The following GARIN1B variants were observed in gnomAD, a reference collection of about 807,000 sequenced individuals.
GARIN1B encodes the protein golgi associated RAB2 interactor 1B.
chr7:128,729,931 C>T, the GARIN1B span: 7 of 1,614,058 alleles, frequency 4.3e-6, no homozygotes, highest in Non-Finnish European at 5.9e-6. Context: ...AGACAGCATC[C>T]CTTGCACCTG....
chr7:128,726,692 C>T, the GARIN1B span: 5 of 804,144 alleles, frequency 6.2e-6, no homozygotes, highest in South Asian at 9.0e-5. Flanking sequence ...AATATAGCCA[C>T]AGCTGGCCTT....
the GARIN1B span, among the ~76,000 whole-genome samples, chr7:128,727,046 C>T: frequency 1.3e-5 from 2 of 152,304 alleles, no homozygotes; most frequent in African/African-American, 4.8e-5. Context: ...AAGTTGGCAC[C>T]AAGTCCTAAC....
the GARIN1B span, among the ~76,000 whole-genome samples, chr7:128,730,262 G>A: frequency 1.3e-5 from 2 of 152,158 alleles, no homozygotes; most frequent in Non-Finnish European, 2.9e-5. Flanking sequence ...GGCACCTCCA[G>A]GGCCCCCAGA....
chr7:128,714,188 G>C, the GARIN1B span: 3 of 1,498,626 alleles, frequency 2.0e-6, no homozygotes, highest in East Asian at 7.4e-5. Context: ...AAATACAAAA[G>C]TCAGCCTCCA....
the GARIN1B span, among the ~76,000 whole-genome samples, chr7:128,710,452 C>T: frequency 6.6e-6 from 1 of 152,210 alleles, no homozygotes; most frequent in African/African-American, 2.4e-5. Flanking sequence ...AGGACTCAAT[C>T]TGTATGTTGG....
chr7:128,710,782 T>A, the GARIN1B span, among the ~76,000 whole-genome samples: 1 of 151,392 alleles, frequency 6.6e-6, no homozygotes, highest in Non-Finnish European at 1.5e-5. Flanking sequence ...CCTCCCTGAG[T>A]AGTTGGGATT....
At chr7:128,723,374 C>A in the GARIN1B span, 1 of 1,583,158 alleles carries the variant, frequency 6.3e-7, no homozygotes, top group South Asian at 1.1e-5. Context: ...CCCAGATGGT[C>A]TGGGCTGTGA....
chr7:128,719,476 T>G, the GARIN1B span, among the ~76,000 whole-genome samples: 1 of 151,858 alleles, frequency 6.6e-6, no homozygotes, highest in African/African-American at 2.4e-5. Context: ...TTTGCAGTCA[T>G]TCCCTGTTCC....
At chr7:128,713,411 T>A in the GARIN1B span, among the ~76,000 whole-genome samples, 1 of 152,208 alleles carries the variant, frequency 6.6e-6, no homozygotes, top group Non-Finnish European at 1.5e-5. Context: ...ATGCTTGTTT[T>A]TGAGGTTTGC....
chr7:128,715,185 G>A, the GARIN1B span: 5 of 928,318 alleles, frequency 5.4e-6, no homozygotes, highest in Admixed American at 1.2e-4. Context: ...AGCAAGTTCC[G>A]GGAGGACTAT....
chr7:128,722,228 T>C, the GARIN1B span, among the ~76,000 whole-genome samples: 1 of 152,246 alleles, frequency 6.6e-6, no homozygotes, highest in Admixed American at 6.5e-5. Context: ...TGAAGATACC[T>C]GGGCCTTTTT....
the GARIN1B span, chr7:128,719,207 T>C: frequency 4.7e-6 from 4 of 843,780 alleles, no homozygotes; most frequent in Non-Finnish European, 7.3e-6. Flanking sequence ...AACAGCTTTA[T>C]TGAGTATCAT....
chr7:128,724,628 T>A, the GARIN1B span: 1 of 962,978 alleles, frequency 1.0e-6, no homozygotes, highest in South Asian at 1.7e-5. Flanking sequence ...CCACAGAATA[T>A]TCAGTCCCAG....
the GARIN1B span, among the ~76,000 whole-genome samples, chr7:128,713,231 C>T: frequency 4.6e-5 from 7 of 152,146 alleles, no homozygotes; most frequent in East Asian, 3.9e-4. Flanking sequence ...TGCTTGAACT[C>T]GGGACATGGA....
the GARIN1B span, chr7:128,716,671 T>G: frequency 1.7e-6 from 1 of 598,404 alleles, no homozygotes; most frequent in Non-Finnish European, 2.8e-6. Flanking sequence ...TAAGCATTCT[T>G]TAGTGTGCAG....
chr7:128,730,413 G>A, the GARIN1B span, among the ~76,000 whole-genome samples: 5 of 151,944 alleles, frequency 3.3e-5, no homozygotes, highest in Non-Finnish European at 5.9e-5. Context: ...TTACTGCTTG[G>A]GTTGGGATGC....
At chr7:128,715,610 G>A in the GARIN1B span, 1 of 1,614,150 alleles carries the variant, frequency 6.2e-7, no homozygotes, top group South Asian at 1.1e-5. Flanking sequence ...TGTGGAGGAG[G>A]GACTGCTCTG....
At chr7:128,723,215 C>T in the GARIN1B span, 2 of 1,611,684 alleles carry the variant, frequency 1.2e-6, no homozygotes, top group South Asian at 2.2e-5. Context: ...GAAGAAACTC[C>T]AAGCCTCCCA....
At chr7:128,712,958 A>G in the GARIN1B span, among the ~76,000 whole-genome samples, 1 of 152,144 alleles carries the variant, frequency 6.6e-6, no homozygotes, top group South Asian at 2.1e-4. Flanking sequence ...AGGAAATGTA[A>G]TCTTTCTTAC....
Sources: allele counts gnomAD v4.1 joint callset (sites outside exome capture counted in the v4.1 genomes callset), GRCh38; gene constraint gnomAD v4.1.1; transcripts MANE v1.5; gene names NCBI Gene and HGNC (gene_info 2026-07-23, HGNC 2026-07-21).